Variants in INPP4B observed in about 807,000 individuals in gnomAD.
INPP4B encodes the protein inositol polyphosphate-4-phosphatase type II B.
INPP4B carries 55 observed loss-of-function variants against 122.5 expected under a neutral mutation model. That is an observed-to-expected ratio of 0.45 (90% CI 0.36 to 0.56). The LOEUF (loss-of-function observed/expected upper bound fraction) is 0.56, where lower values mean the gene tolerates loss of function less well. INPP4B is among the 20% of genes least tolerant of loss of function. INPP4B has a pLI of 0.00. For missense variants in INPP4B, 1,000 were observed against 1,097.7 expected, an observed-to-expected ratio of 0.91 and a Z score of 1.26; for synonymous variants, 403 against 388.7, an observed-to-expected ratio of 1.04 and a Z score of -0.43.
intron 2 of INPP4B, among the ~76,000 whole-genome samples, chr4:142,482,094 T>C (rs934851257): frequency 2.6e-5 from 4 of 152,176 alleles, no homozygotes; most frequent in Non-Finnish European, 5.9e-5. Flanking sequence ...GGTTTGACTG[T>C]TATGTCTAAA....
At chr4:142,137,364 C>T (rs1458385911) in intron 18 of INPP4B, among the ~76,000 whole-genome samples, 11 of 135,156 alleles carry the variant, frequency 8.1e-5, no homozygotes, top group Non-Finnish European at 7.8e-5. Context: ...CCCTTCCTTA[C>T]ACCTTATACA....
At chr4:142,754,330 A>T (rs1770178824) in intron 1 of INPP4B, among the ~76,000 whole-genome samples, 1 of 151,980 alleles carries the variant, frequency 6.6e-6, no homozygotes, top group Non-Finnish European at 1.5e-5. Flanking sequence ...AGTAACAGTG[A>T]CCCCAAGTAA....
intron 5 of INPP4B, among the ~76,000 whole-genome samples, chr4:142,414,855 A>C (rs1805344350): frequency 6.6e-6 from 1 of 152,160 alleles, no homozygotes; most frequent in Admixed American, 6.5e-5. Context: ...TCCACTTTGG[A>C]AACAACAAGT....
At chr4:142,575,631 T>G (rs1485722651) in intron 2 of INPP4B, among the ~76,000 whole-genome samples, 6 of 151,956 alleles carry the variant, frequency 3.9e-5, no homozygotes. Context: ...AATGAGATAA[T>G]GAGATGAGTG....
At chr4:142,227,111 T>C (rs187203538) in intron 12 of INPP4B, among the ~76,000 whole-genome samples, 2 of 152,240 alleles carry the variant, frequency 1.3e-5, no homozygotes, top group African/African-American at 2.4e-5. Context: ...ATGAACTCCA[T>C]GGCAGTGGAT....
chr4:142,097,421 A>G (rs944922497), intron 23 of INPP4B, among the ~76,000 whole-genome samples: 1 of 151,094 alleles, frequency 6.6e-6, no homozygotes, highest in Non-Finnish European at 1.5e-5. Flanking sequence ...TGCCTGGCTA[A>G]TTTTTTGTAT....
At chr4:142,037,586 T>C (rs1744765906) in intron 25 of INPP4B, among the ~76,000 whole-genome samples, 1 of 152,220 alleles carries the variant, frequency 6.6e-6, no homozygotes, top group Admixed American at 6.6e-5. Context: ...TTTCCTCCCA[T>C]GATAAAATGA....
intron 3 of INPP4B, among the ~76,000 whole-genome samples, chr4:142,438,114 T>C (rs759809589): frequency 1.3e-5 from 2 of 152,172 alleles, no homozygotes; most frequent in Non-Finnish European, 2.9e-5. Context: ...ATTGTGAAAA[T>C]GTCCATATTG....
Position 142,160,389 on chromosome 4 carries a change from G to A in INPP4B, c.1532C>T (p.Pro511Leu). 1 of 1,587,182 alleles carries A rather than the reference G, an allele frequency of 6.3e-7. No homozygotes were observed. The highest frequency in any genetic ancestry group is 1.1e-5 in the South Asian group (1 of 89,094). Reference sequence around the variant, plus strand: ...TTCCTCATCATAGTCTGAATGATGTGGTATGGAGTCCTGCCCTCTCATCAC... The same window carrying A: ...TTCCTCATCATAGTCTGAATGATGTAGTATGGAGTCCTGCCCTCTCATCAC... ...PPVMRGQDSI[P>L]HHSDYDEEEW... Residue 511 changes from proline (P) to leucine (L), a missense_variant, in exon 17 of 26, where the codon CCA (proline) becomes CTA (leucine). Coordinates refer to ENST00000262992, the MANE Select transcript of INPP4B (RefSeq NM_001101669.3).
intron 17 of INPP4B, among the ~76,000 whole-genome samples, chr4:142,148,632 AG>A (rs987451732): frequency 2.6e-5 from 4 of 152,368 alleles, no homozygotes; most frequent in African/African-American, 9.6e-5. Flanking sequence ...TGAAAATAAA[AG>A]TATTTAAAAG....
intron 11 of INPP4B, among the ~76,000 whole-genome samples, chr4:142,249,535 T>C (rs1413204298): frequency 1.3e-5 from 2 of 152,142 alleles, no homozygotes; most frequent in African/African-American, 4.8e-5. Context: ...AATACTTTCA[T>C]GAAGTGTTTC....
At chr4:142,361,682 G>A (rs1449929511) in intron 7 of INPP4B, among the ~76,000 whole-genome samples, 6 of 151,740 alleles carry the variant, frequency 4.0e-5, no homozygotes, top group Non-Finnish European at 8.8e-5. Flanking sequence ...ATTAAAATTT[G>A]TAATTATATC....
At chr4:142,825,569 G>A (rs1428950188) in intron 1 of INPP4B, among the ~76,000 whole-genome samples, 1 of 151,940 alleles carries the variant, frequency 6.6e-6, no homozygotes, top group Non-Finnish European at 1.5e-5. Context: ...TATTAAGAGT[G>A]GGCATATAAA....
chr4:142,243,966 G>T (rs1394317117), intron 11 of INPP4B, among the ~76,000 whole-genome samples: 1 of 151,654 alleles, frequency 6.6e-6, no homozygotes, highest in Non-Finnish European at 1.5e-5. Flanking sequence ...GAACATGCAG[G>T]TTTGATACAT....
intron 2 of INPP4B, among the ~76,000 whole-genome samples, chr4:142,481,418 A>G (rs2149737905): frequency 6.6e-6 from 1 of 152,252 alleles, no homozygotes; most frequent in South Asian, 2.1e-4. Flanking sequence ...ACCTAACTCT[A>G]TCCATGCTTC....
intron 2 of INPP4B, among the ~76,000 whole-genome samples, chr4:142,478,831 T>A (rs912060057): frequency 1.3e-5 from 2 of 152,166 alleles, no homozygotes; most frequent in African/African-American, 4.8e-5. Context: ...CCTTACACCA[T>A]ATGCAACAAT....
chr4:142,308,474 C>T (rs1177754365), intron 8 of INPP4B, among the ~76,000 whole-genome samples: 4 of 151,976 alleles, frequency 2.6e-5, no homozygotes, highest in Admixed American at 2.6e-4. Context: ...AATGGGATTG[C>T]CTATACATTT....
intron 5 of INPP4B, among the ~76,000 whole-genome samples, chr4:142,406,561 G>A (rs1368349531): frequency 6.6e-6 from 1 of 152,288 alleles, no homozygotes. Flanking sequence ...AACAGGCTTG[G>A]TTTTAGTCCA....
At chr4:142,605,002 T>C (rs1740920281) in intron 2 of INPP4B, among the ~76,000 whole-genome samples, 1 of 152,040 alleles carries the variant, frequency 6.6e-6, no homozygotes, top group African/African-American at 2.4e-5. Flanking sequence ...AACAGCACAC[T>C]ATTGGTATAA....
Sources: gnomAD v4.1 joint callset for allele counts (sites outside exome capture counted in the v4.1 genomes callset) on GRCh38, gnomAD v4.1.1 for gene constraint, MANE v1.5 for transcripts, NCBI Gene and HGNC (gene_info 2026-07-23, HGNC 2026-07-21) for gene names.